The following CACNA1C variants were observed in gnomAD, a reference collection of about 807,000 sequenced individuals.
CACNA1C encodes the protein calcium voltage-gated channel subunit alpha1 C.
Under a neutral mutation model 229.0 loss-of-function variants are expected in CACNA1C, and 30 were observed. The observed-to-expected ratio is 0.13, with a 90% CI of 0.10 to 0.18. The LOEUF (loss-of-function observed/expected upper bound fraction) is 0.18, where lower values mean the gene tolerates loss of function less well. Ranked by LOEUF, CACNA1C falls within the 10% of genes least tolerant of loss-of-function variation. The pLI is 1.00. For synonymous variants in CACNA1C, 1,114 were observed against 1,132.5 expected (o/e 0.98, Z 0.33); for missense variants, 1,658 against 2,845.0 (o/e 0.58, Z 9.49).
chr12:2,634,013 C>T (rs571254796), intron 29 of CACNA1C, among the ~76,000 whole-genome samples: 5 of 152,268 alleles, frequency 3.3e-5, no homozygotes, highest in Non-Finnish European at 7.4e-5. Context: ...CTCCCCGGGG[C>T]GGCCACAGCC....
chr12:2,265,812 G>A (rs974566756), intron 3 of CACNA1C, among the ~76,000 whole-genome samples: 8 of 152,330 alleles, frequency 5.3e-5, no homozygotes, highest in Non-Finnish European at 8.8e-5. Context: ...CACAGAGAGG[G>A]AGAGCTGGGT....
At chr12:2,505,292 A>G (rs2099769130) in intron 8 of CACNA1C, among the ~76,000 whole-genome samples, 1 of 152,220 alleles carries the variant, frequency 6.6e-6, no homozygotes, top group Non-Finnish European at 1.5e-5. Context: ...AACATAAACA[A>G]AGACAGACTC....
intron 3 of CACNA1C, among the ~76,000 whole-genome samples, chr12:2,245,849 G>T (rs1033815173): frequency 6.6e-6 from 1 of 152,148 alleles, no homozygotes. Context: ...ACCCTGCTGT[G>T]CTATTACATA....
chr12:2,686,310 A>T, intron 45 of CACNA1C, 41 bp downstream of exon 45: 1 of 1,414,096 alleles, frequency 7.1e-7, no homozygotes, highest in East Asian at 2.3e-5. Flanking sequence ...ACCTGCCAGC[A>T]GGCCAGACAG....
At chr12:2,178,979 T>G (rs1055139141) in intron 3 of CACNA1C, among the ~76,000 whole-genome samples, 15 of 152,110 alleles carry the variant, frequency 9.9e-5, no homozygotes, top group African/African-American at 3.6e-4. Context: ...GGAGAATCGC[T>G]TGAACCCAGA....
intron 3 of CACNA1C, among the ~76,000 whole-genome samples, chr12:2,399,433 C>T (rs535904473): frequency 3.3e-5 from 5 of 152,164 alleles, no homozygotes; most frequent in Non-Finnish European, 7.3e-5. Flanking sequence ...GGAAATAGCT[C>T]TCAGTAGGAT....
chr12:2,218,657 A>G (rs1377865427), intron 3 of CACNA1C, among the ~76,000 whole-genome samples: 5 of 152,202 alleles, frequency 3.3e-5, no homozygotes, highest in Admixed American at 3.3e-4. Flanking sequence ...TGTTCCAAAT[A>G]AAATGCTATA....
intron 13 of CACNA1C, among the ~76,000 whole-genome samples, chr12:2,573,589 C>G (rs973205816): frequency 2.6e-5 from 4 of 152,284 alleles, no homozygotes; most frequent in African/African-American, 9.6e-5. Context: ...TTCTAGAATT[C>G]CAGGCTGCTC....
chr12:2,048,073 T>C (rs563421598), upstream of CACNA1C, among the ~76,000 whole-genome samples: 1 of 152,308 alleles, frequency 6.6e-6, no homozygotes, highest in Admixed American at 6.5e-5. Flanking sequence ...AGCTGTGGGC[T>C]CCACCATCAG....
intron 3 of CACNA1C, among the ~76,000 whole-genome samples, chr12:2,170,213 C>A (rs1307716257): frequency 6.6e-6 from 1 of 152,214 alleles, no homozygotes; most frequent in Non-Finnish European, 1.5e-5. Context: ...GGACGCTTTG[C>A]ATTTTTGGAT....
chr12:2,305,608 C>A (rs1342652845), intron 3 of CACNA1C, among the ~76,000 whole-genome samples: 7 of 152,194 alleles, frequency 4.6e-5, no homozygotes, highest in African/African-American at 1.7e-4. Context: ...CTTTGGGAGG[C>A]TGAGGTGGGA....
At chr12:2,521,460 G>A (rs1321382719) in intron 9 of CACNA1C, among the ~76,000 whole-genome samples, 1 of 152,208 alleles carries the variant, frequency 6.6e-6, no homozygotes, top group Admixed American at 6.5e-5. Flanking sequence ...GGCACACTGG[G>A]GGTCCTTGGC....
At position 2,575,179 on chromosome 12, in the gene CACNA1C, G is replaced by A. The variant is rs1431595895; in HGVS notation, c.1896-6411G>A. On this transcript the variant is annotated intron_variant, in intron 13 of 46. Coordinates refer to ENST00000399655, the MANE Select transcript of CACNA1C (RefSeq NM_000719.7). The surrounding 1 kb of genome is among the most constrained non-coding windows in gnomAD (Gnocchi z 4.0). ...CAGAGAAGACAAGACCTTTGAACTTGTTAACTAAGTCAGCCCTTGCCTCAA... is the reference window on the plus strand; with the variant it reads ...CAGAGAAGACAAGACCTTTGAACTTATTAACTAAGTCAGCCCTTGCCTCAA... Among the ~76,000 whole-genome samples the A allele has an allele frequency of 1.3e-5, 2 of 152,214 alleles. No homozygotes were observed. The highest frequency in any genetic ancestry group is 1.3e-4 in the Admixed American group (2 of 15,288).
chr12:2,188,919 C>T (rs11062148), intron 3 of CACNA1C, among the ~76,000 whole-genome samples: 53,335 of 151,384 alleles, frequency 0.35, 9,741 homozygotes, highest in South Asian at 0.39. Flanking sequence ...GGTGAAACCC[C>T]GTCTCTACTA....
intron 11 of CACNA1C, among the ~76,000 whole-genome samples, chr12:2,563,147 C>T (rs912402722): frequency 6.6e-5 from 10 of 152,188 alleles, no homozygotes; most frequent in Non-Finnish European, 8.8e-5. Flanking sequence ...CTTTCTGTGC[C>T]TGGCTTATTT....
intron 1 of CACNA1C, among the ~76,000 whole-genome samples, chr12:2,073,450 T>C (rs1565516218): frequency 6.6e-6 from 1 of 152,114 alleles, no homozygotes; most frequent in Non-Finnish European, 1.5e-5. Flanking sequence ...CTTGCTGCAC[T>C]GTTCTTGCTC....
chr12:2,225,581 G>A (rs555144648), intron 3 of CACNA1C, among the ~76,000 whole-genome samples: 3 of 152,266 alleles, frequency 2.0e-5, no homozygotes, highest in East Asian at 1.9e-4. Flanking sequence ...CCTAGTGGGC[G>A]GAGTGGGGAG....
chr12:2,026,675 G>T (rs189396601), intron 1 of CACNA1C, among the ~76,000 whole-genome samples: 1 of 152,130 alleles, frequency 6.6e-6, no homozygotes, highest in Admixed American at 6.5e-5. Flanking sequence ...TGTACAAATG[G>T]TGTATGCTTT....
At chr12:2,193,382 G>T (rs1598676319) in intron 3 of CACNA1C, among the ~76,000 whole-genome samples, 1 of 152,180 alleles carries the variant, frequency 6.6e-6, no homozygotes, top group Non-Finnish European at 1.5e-5. Context: ...TTGAGCCCAG[G>T]AGGCAGAGGT....
Sources: gnomAD v4.1 joint callset for allele counts (sites outside exome capture counted in the v4.1 genomes callset) on GRCh38, gnomAD v4.1.1 for gene constraint, Gnocchi (gnomAD v3.1) non-coding constraint, MANE v1.5 for transcripts, NCBI Gene and HGNC (gene_info 2026-07-23, HGNC 2026-07-21) for gene names.